Variants in LHFPL6 observed in about 807,000 individuals in gnomAD.
The protein encoded by LHFPL6 is LHFPL tetraspan subfamily member 6 protein.
LHFPL6 carries 9 observed loss-of-function variants against 20.6 expected under a neutral mutation model. The observed-to-expected ratio is 0.44, with a 90% CI of 0.26 to 0.76. LHFPL6 has a LOEUF of 0.76. LHFPL6 is among the 30% of genes least tolerant of loss of function. The pLI, the probability that LHFPL6 is intolerant of heterozygous loss-of-function variation, is 0.20. For synonymous variants in LHFPL6, 105 were observed against 98.7 expected (o/e 1.06, Z -0.38); for missense variants, 218 against 253.5 (o/e 0.86, Z 0.95).
At chr13:39,485,597 T>C (rs951031290) in intron 2 of LHFPL6, among the ~76,000 whole-genome samples, 2 of 152,198 alleles carry the variant, frequency 1.3e-5, no homozygotes, top group African/African-American at 4.8e-5. Context: ...CATTCTACCT[T>C]GGAATTTCAA....
At chr13:39,586,051 A>T (rs1365426029) in intron 2 of LHFPL6, among the ~76,000 whole-genome samples, 1 of 152,136 alleles carries the variant, frequency 6.6e-6, no homozygotes, top group Non-Finnish European at 1.5e-5. Context: ...AACTCCCATC[A>T]GATCTCTAGA....
At chr13:39,536,635 T>A (rs1870627581) in intron 2 of LHFPL6, among the ~76,000 whole-genome samples, 1 of 152,334 alleles carries the variant, frequency 6.6e-6, no homozygotes, top group Admixed American at 6.5e-5. Flanking sequence ...TCTCAGACTA[T>A]TGTCCAGTCC....
At chr13:39,422,819 G>A (rs1241126247) in intron 2 of LHFPL6, among the ~76,000 whole-genome samples, 1 of 152,074 alleles carries the variant, frequency 6.6e-6, no homozygotes, top group African/African-American at 2.4e-5. Context: ...AATATATAAA[G>A]GTAAGAGGTT....
intron 3 of LHFPL6, among the ~76,000 whole-genome samples, chr13:39,354,992 T>C (rs2324257): frequency 0.05 from 7,601 of 150,790 alleles, 291 homozygotes; most frequent in South Asian, 0.15. Flanking sequence ...GTTGAGGATA[T>C]AGTCTATGAA....
At chr13:39,408,210 T>C (rs141062865) in intron 2 of LHFPL6, among the ~76,000 whole-genome samples, 11 of 152,332 alleles carry the variant, frequency 7.2e-5, no homozygotes, top group East Asian at 3.9e-4. Flanking sequence ...TAATGTAAAT[T>C]TATTAATAAG....
chr13:39,344,689 T>C (rs1196033654), intron 3 of LHFPL6, among the ~76,000 whole-genome samples: 1 of 152,240 alleles, frequency 6.6e-6, no homozygotes. Context: ...TTAGTCTTAA[T>C]ATTCATAACA....
At chr13:39,486,017 G>A (rs189449349) in intron 2 of LHFPL6, among the ~76,000 whole-genome samples, 2 of 152,184 alleles carry the variant, frequency 1.3e-5, no homozygotes, top group East Asian at 3.9e-4. Context: ...AAGGCTCAAG[G>A]GTAAATAACC....
chr13:39,453,309 A>T (rs531379568), intron 2 of LHFPL6, among the ~76,000 whole-genome samples: 1 of 152,344 alleles, frequency 6.6e-6, no homozygotes, highest in East Asian at 1.9e-4. Flanking sequence ...AAAAAATAAA[A>T]TGAAAGGTAG....
At chr13:39,358,883 A>T (rs974158125) in intron 3 of LHFPL6, among the ~76,000 whole-genome samples, 3 of 152,180 alleles carry the variant, frequency 2.0e-5, no homozygotes, top group Non-Finnish European at 4.4e-5. Context: ...TTAAAAAGTG[A>T]AAAAATAGAC....
intron 3 of LHFPL6, among the ~76,000 whole-genome samples, chr13:39,374,547 A>T (rs78403161): frequency 4.1e-5 from 4 of 98,056 alleles, no homozygotes; most frequent in African/African-American, 9.5e-5. Context: ...TTGAAATTAT[A>T]AAAAAAAAAA....
intron 2 of LHFPL6, among the ~76,000 whole-genome samples, chr13:39,447,151 T>C (rs1012260244): frequency 2.0e-5 from 3 of 152,210 alleles, no homozygotes; most frequent in Non-Finnish European, 2.9e-5. Context: ...CTAATAAGGC[T>C]GAAGAAGGCA....
In LHFPL6 at chr13:39,369,597, T is replaced by TCCTTCCTTCCTTCCTTCCTTCCTTCCTC. The variant is rs763910245; in HGVS notation, c.484+8830_484+8831insGAGGAAGGAAGGAAGGAAGGAAGGAAGG. Among the ~76,000 whole-genome samples the TCCTTCCTTCCTTCCTTCCTTCCTTCCTC allele has an allele frequency of 1.4e-3, 119 of 87,320 alleles. 2 individuals are homozygous for TCCTTCCTTCCTTCCTTCCTTCCTTCCTC. Among genetic ancestry groups the TCCTTCCTTCCTTCCTTCCTTCCTTCCTC allele is most frequent in the African/African-American group, 4.0e-3 (93 of 23,094 alleles). 57.3% of individuals were successfully genotyped at this position (87,320 alleles called of 152,430 possible). A position where few individuals can be genotyped will look rare whatever the true frequency, so the allele number is the denominator to read the frequency against. The stretch of plus-strand genomic sequence containing the variant: ...TTCCTTCCTTCCTTCCTTCCTTCCT[T>TCCTTCCTTCCTTCCTTCCTTCCTTCCTC]CCTCCCTCTCTCCCTCCCTTCCTTC... On this transcript the variant is annotated intron_variant, in intron 3 of 3. Coordinates refer to ENST00000379589, the MANE Select transcript of LHFPL6 (RefSeq NM_005780.3).
In LHFPL6 at chr13:39,437,133, G is replaced by A. The variant is rs559972765; in HGVS notation, c.386-58607C>T. On this transcript the variant is annotated intron_variant, in intron 2 of 3. Coordinates refer to ENST00000379589, the MANE Select transcript of LHFPL6 (RefSeq NM_005780.3). ...CTTTTATAATCATATTATTAGTATC[G>A]TTGCTATTAGTGTAATTCTAGATTT... Among the ~76,000 whole-genome samples, 48 of 152,208 alleles carry A rather than the reference G, an allele frequency of 3.2e-4. 1 individual carries two copies. The East Asian group carries it at 5.0e-3, about 16-fold the overall frequency.
intron 2 of LHFPL6, among the ~76,000 whole-genome samples, chr13:39,446,231 T>C (rs1473661916): frequency 6.6e-6 from 1 of 152,212 alleles, no homozygotes; most frequent in Non-Finnish European, 1.5e-5. Flanking sequence ...AGCCCATCTA[T>C]GTAATCTCCT....
At chr13:39,412,010 G>A (rs183434187) in intron 2 of LHFPL6, among the ~76,000 whole-genome samples, 6 of 152,310 alleles carry the variant, frequency 3.9e-5, no homozygotes, top group Admixed American at 3.9e-4. Flanking sequence ...AGAGACTTAG[G>A]GGATGGTATA....
At chr13:39,350,902 GT>G (rs1220184403) in intron 3 of LHFPL6, among the ~76,000 whole-genome samples, 1 of 152,172 alleles carries the variant, frequency 6.6e-6, no homozygotes, top group Non-Finnish European at 1.5e-5. Flanking sequence ...GCTCAAATTA[GT>G]TTTTAGTATA....
chr13:39,526,264 G>A (rs1262229205), intron 2 of LHFPL6, among the ~76,000 whole-genome samples: 1 of 152,158 alleles, frequency 6.6e-6, no homozygotes, highest in Non-Finnish European at 1.5e-5. Context: ...GATCTGAAAC[G>A]AACTGAACTA....
intron 3 of LHFPL6, among the ~76,000 whole-genome samples, chr13:39,375,735 T>G (rs1870278497): frequency 7.0e-6 from 1 of 143,762 alleles, no homozygotes; most frequent in Admixed American, 6.7e-5. Flanking sequence ...TAGAGATATC[T>G]CTATGCCACA....
chr13:39,456,128 A>G (rs1383613992), intron 2 of LHFPL6, among the ~76,000 whole-genome samples: 1 of 152,220 alleles, frequency 6.6e-6, no homozygotes, highest in Non-Finnish European at 1.5e-5. Context: ...TTGGACTCAC[A>G]TCTAGACAAG....
Sources: gnomAD v4.1 joint callset for allele counts (sites outside exome capture counted in the v4.1 genomes callset) on GRCh38, gnomAD v4.1.1 for gene constraint, MANE v1.5 for transcripts, NCBI Gene and HGNC (gene_info 2026-07-23, HGNC 2026-07-21) for gene names.